Variants in RGPD4 observed in about 807,000 individuals in gnomAD.
The protein encoded by RGPD4 is ranBP2-like and GRIP domain-containing protein 4.
In RGPD4, 84 loss-of-function variants were observed where a neutral mutation model predicts 141.1. That is an observed-to-expected ratio of 0.60 (90% CI 0.50 to 0.71). RGPD4 has a LOEUF of 0.71. Among genes scored for constraint, RGPD4 ranks in the 30% least tolerant of loss-of-function variants. The pLI is 0.00. For synonymous variants in RGPD4, 298 were observed against 566.8 expected, an observed-to-expected ratio of 0.53 and a Z score of 6.74; for missense variants, 918 against 1,622.4, an observed-to-expected ratio of 0.57 and a Z score of 7.46.
intron 7 of RGPD4, among the ~76,000 whole-genome samples, chr2:107,853,986 T>G (rs1682206895): frequency 6.9e-6 from 1 of 144,122 alleles, no homozygotes; most frequent in Non-Finnish European, 1.5e-5. Context: ...TGGGCTCAAG[T>G]GATCCCCCCA....
intron 6 of RGPD4, among the ~76,000 whole-genome samples, chr2:107,845,659 G>T (rs1681901555): frequency 6.6e-6 from 1 of 152,298 alleles, no homozygotes; most frequent in Admixed American, 6.5e-5. Flanking sequence ...AACCTCCCAG[G>T]TTCACACCAT....
In RGPD4 at chr2:107,844,743, T is replaced by G. The variant is rs555470091; in HGVS notation, c.782+1013T>G. Among the ~76,000 whole-genome samples the G allele has an allele frequency of 8.7e-3, 1,099 of 125,774 alleles. 17 individuals are homozygous for G. The highest frequency in any genetic ancestry group is 0.032 in the African/African-American group (1,056 of 33,064). The allele number at this position is 125,774 out of a possible 152,430, so 82.5% of individuals were successfully genotyped here. A position where few individuals can be genotyped will look rare whatever the true frequency, so the allele number is the denominator to read the frequency against. On this transcript the variant is annotated intron_variant, in intron 6 of 22. Coordinates refer to ENST00000408999, the MANE Select transcript of RGPD4 (RefSeq NM_182588.3). ...GTGTTCTTTGTATACTCAAATTTTT[T>G]GGTCACAAGTTCCTTTTACATTTTT...
rs547816264 is a variant in RGPD4, at chr2:107,872,813, A to G, written c.4809A>G (p.Glu1603=). 18 of 1,609,832 alleles carry G rather than the reference A, an allele frequency of 1.1e-5. No homozygotes were observed. Among genetic ancestry groups the G allele is most frequent in the Non-Finnish European group, 1.2e-5 (14 of 1,179,456 alleles). Residue 1603 remains glutamate (E), a synonymous_variant, in exon 20 of 23, where the codon GAA becomes GAG. Coordinates refer to ENST00000408999, the MANE Select transcript of RGPD4 (RefSeq NM_182588.3). The part of the protein sequence containing the change: ...SESKVEPKKC[E]LSKNSDIEQS... ...GCAAAGTGGAACCTAAAAAATGTGAACTGTCAAAGAACTCTGATATCGAAC... is the reference window on the plus strand; with the variant it reads ...GCAAAGTGGAACCTAAAAAATGTGAGCTGTCAAAGAACTCTGATATCGAAC...
rs1681298897 is a variant in RGPD4, at chr2:107,828,110, CGGCCTCG to C, written c.72+1026_72+1032del. Among the ~76,000 whole-genome samples, 6 of 19,128 alleles carry C rather than the reference CGGCCTCG, an allele frequency of 3.1e-4. 1 individual carries two copies. Among genetic ancestry groups the C allele is most frequent in the East Asian group, 6.3e-4 (1 of 1,580 alleles). 12.5% of individuals were successfully genotyped at this position (19,128 alleles called of 152,430 possible). ...CGGCCTCGACCTGGCCGGGCGGCGGCGGCCTCGACCTGGCCCGGCGGCGGCCTCGATG... is the reference window on the plus strand; with the variant it reads ...CGGCCTCGACCTGGCCGGGCGGCGGCACCTGGCCCGGCGGCGGCCTCGATG... On this transcript the variant is annotated intron_variant, in intron 1 of 22. Coordinates refer to ENST00000408999, the MANE Select transcript of RGPD4 (RefSeq NM_182588.3).
At chr2:107,887,099 A>T (rs700862) in intron 22 of RGPD4, among the ~76,000 whole-genome samples, 2 of 136,234 alleles carry the variant, frequency 1.5e-5, no homozygotes, top group African/African-American at 5.4e-5. Context: ...AAAATATGCC[A>T]GTTCTGGTGG....
At position 107,870,921 on chromosome 2, in the gene RGPD4, G is replaced by T; in HGVS notation, c.2917G>T (p.Ala973Ser). Reference sequence around the variant, plus strand: ...CCAAACAAGTAGCACTTTTACATTTGCAGATGTTGCAAAATCAACTTCAGG... The same window carrying T: ...CCAAACAAGTAGCACTTTTACATTTTCAGATGTTGCAAAATCAACTTCAGG... Reference protein sequence around the residue: ...FGQTSSTFTFADVAKSTSGEG... With the variant: ...FGQTSSTFTFSDVAKSTSGEG... Residue 973 changes from alanine to serine, a missense_variant, in exon 20 of 23, where the codon GCA becomes TCA. Transcript: ENST00000408999. 6.2e-7 allele frequency: 1 copy of T among 1,609,644 alleles called. No individual in the cohort carries two copies. Among genetic ancestry groups the T allele is most frequent in the East Asian group, 2.2e-5 (1 of 44,800 alleles).
intron 1 of RGPD4, among the ~76,000 whole-genome samples, chr2:107,829,792 C>T (rs1019474513): frequency 2.0e-5 from 3 of 152,094 alleles, no homozygotes; most frequent in Non-Finnish European, 2.9e-5. Flanking sequence ...CGTCCTGGCC[C>T]GGGCTTTCTG....
intron 1 of RGPD4, among the ~76,000 whole-genome samples, 156 bp downstream of exon 1, chr2:107,827,241 CG>C (rs1681235581): frequency 9.6e-6 from 1 of 104,128 alleles, no homozygotes; most frequent in Non-Finnish European, 2.1e-5. Context: ...CGACCCGGCC[CG>C]GCGGCGGCCT....
intron 12 of RGPD4, 105 bp downstream of exon 12, chr2:107,859,950 A>C: frequency 7.6e-7 from 1 of 1,314,290 alleles, no homozygotes; most frequent in Non-Finnish European, 1.0e-6. Flanking sequence ...CAGCTTTGTC[A>C]TATTATGACA....
chr2:107,874,608 A>G lies in RGPD4; in HGVS notation c.4924+1680A>G, dbSNP rs2693100. ...TGTGAAAAGTGTTAACTTAAAAGTGAATGTATACTTGCGTACAGTTTCTGT... is the reference window on the plus strand; with the variant it reads ...TGTGAAAAGTGTTAACTTAAAAGTGGATGTATACTTGCGTACAGTTTCTGT... On this transcript the variant is annotated intron_variant, in intron 20 of 22. Transcript: ENST00000408999. Among the ~76,000 whole-genome samples the G allele has an allele frequency of 6.0e-5, 9 of 151,174 alleles. No homozygotes were observed. In the East Asian group the frequency reaches 9.7e-4, roughly 16 times the overall value.
chr2:107,859,633 A>G (rs1682467672), intron 11 of RGPD4, 79 bp downstream of exon 11: 3 of 1,611,348 alleles, frequency 1.9e-6, no homozygotes, highest in Non-Finnish European at 2.5e-6. Flanking sequence ...TGAAGATTTA[A>G]TTTGTCATGT....
At chr2:107,834,005 C>CA (rs1325993584) in intron 1 of RGPD4, among the ~76,000 whole-genome samples, 16 of 73,932 alleles carry the variant, frequency 2.2e-4, no homozygotes, top group African/African-American at 3.0e-4. Context: ...GACTCCATCT[C>CA]AAAAACAAAA....
intron 8 of RGPD4, among the ~76,000 whole-genome samples, chr2:107,856,007 T>G (rs1682294747): frequency 7.9e-6 from 1 of 126,624 alleles, no homozygotes; most frequent in Admixed American, 7.9e-5. Flanking sequence ...TTGCTTACTG[T>G]AAACCTATGG....
chr2:107,880,236 T>C, intron 21 of RGPD4, 129 bp downstream of exon 21: 1 of 1,114,692 alleles, frequency 9.0e-7, no homozygotes, highest in Non-Finnish European at 1.3e-6. Context: ...TTATATTAGA[T>C]TCCTGATGGT....
intron 21 of RGPD4, among the ~76,000 whole-genome samples, chr2:107,882,253 C>T (rs1675387151): frequency 6.7e-6 from 1 of 150,312 alleles, no homozygotes; most frequent in African/African-American, 2.4e-5. Flanking sequence ...ACCTCTTCAT[C>T]TGTTTCTCGT....
intron 1 of RGPD4, among the ~76,000 whole-genome samples, chr2:107,829,262 C>T (rs562702621): frequency 3.1e-5 from 1 of 32,624 alleles, no homozygotes; most frequent in Admixed American, 2.1e-4. Flanking sequence ...TCTGTTGAGG[C>T]GGCGGCCTTG....
chr2:107,831,807 A>G (rs1212142064), intron 1 of RGPD4, among the ~76,000 whole-genome samples: 2 of 145,234 alleles, frequency 1.4e-5, no homozygotes, highest in South Asian at 4.6e-4. Flanking sequence ...TCCTGACCTC[A>G]TGATCCGCCC....
chr2:107,836,422 G>C, intron 1 of RGPD4, among the ~76,000 whole-genome samples, 180 bp from the exon 2 acceptor site: 1 of 138,104 alleles, frequency 7.2e-6, no homozygotes, highest in East Asian at 2.0e-4. Flanking sequence ...TCTATTTTTT[G>C]TTTTGTGATA....
chr2:107,880,918 G>T (rs1271224503), intron 21 of RGPD4, among the ~76,000 whole-genome samples: 1 of 151,562 alleles, frequency 6.6e-6, no homozygotes, highest in Non-Finnish European at 1.5e-5. Context: ...TCACCCCTCA[G>T]AATATAGTCA....
Sources: gnomAD v4.1 joint callset for allele counts (sites outside exome capture counted in the v4.1 genomes callset) on GRCh38, gnomAD v4.1.1 for gene constraint, MANE v1.5 for transcripts, NCBI Gene and HGNC (gene_info 2026-07-23, HGNC 2026-07-21) for gene names.